Variants in SYT1 observed in about 807,000 individuals in gnomAD.
SYT1 encodes synaptotagmin 1.
Under a neutral mutation model 44.8 loss-of-function variants are expected in SYT1, and 8 were observed. The ratio of observed to expected loss-of-function variants is 0.18; its 90% CI spans 0.10 to 0.32. The LOEUF is 0.32. Ranked by LOEUF, SYT1 falls within the 10% of genes least tolerant of loss-of-function variation. The probability of loss-of-function intolerance (pLI) is 1.00; values close to 1 mark genes in which losing one functional copy is unlikely to be tolerated. For missense variants in SYT1, 286 were observed against 509.3 expected, an observed-to-expected ratio of 0.56 and a Z score of 4.22; for synonymous variants, 154 against 188.8, an observed-to-expected ratio of 0.82 and a Z score of 1.51.
intron 3 of SYT1, among the ~76,000 whole-genome samples, chr12:79,142,310 A>G (rs546395388): frequency 2.3e-4 from 35 of 152,374 alleles, no homozygotes; most frequent in African/African-American, 8.4e-4. Context: ...TACAGCTGAG[A>G]AATTATTGAG....
chr12:79,290,197 G>T (rs1879510347), intron 5 of SYT1, among the ~76,000 whole-genome samples: 1 of 152,146 alleles, frequency 6.6e-6, no homozygotes, highest in Non-Finnish European at 1.5e-5. Flanking sequence ...CAAAGGGGAG[G>T]CATCACTGAC....
At chr12:79,102,258 C>T (rs1011093173) in intron 3 of SYT1, among the ~76,000 whole-genome samples, 1 of 148,344 alleles carries the variant, frequency 6.7e-6, no homozygotes, top group Admixed American at 6.7e-5. Flanking sequence ...CTTTCCTTCT[C>T]TCTCTCTCTC....
chr12:79,016,527 T>C (rs1342717671), intron 2 of SYT1, among the ~76,000 whole-genome samples: 1 of 152,144 alleles, frequency 6.6e-6, no homozygotes, highest in East Asian at 1.9e-4. Flanking sequence ...TTTTCAGATC[T>C]GGAATCAGTT....
At chr12:78,985,325 T>C (rs932018487) in intron 2 of SYT1, among the ~76,000 whole-genome samples, 42 of 151,896 alleles carry the variant, frequency 2.8e-4, no homozygotes, top group African/African-American at 9.7e-4. Context: ...ATTTTCTAGG[T>C]GATAAGTTAT....
At chr12:79,218,580 A>G (rs1017119706) in intron 4 of SYT1, among the ~76,000 whole-genome samples, 7 of 152,168 alleles carry the variant, frequency 4.6e-5, no homozygotes, top group African/African-American at 1.7e-4. Context: ...CTCTACTTCT[A>G]TGAAATCAAC....
intron 1 of SYT1, among the ~76,000 whole-genome samples, chr12:78,872,812 T>C (rs1873888303): frequency 2.0e-5 from 3 of 151,926 alleles, no homozygotes; most frequent in Admixed American, 1.3e-4. Context: ...AATATATGTA[T>C]AGATAAATAA....
At chr12:79,419,536 C>A (rs191580420) in intron 9 of SYT1, among the ~76,000 whole-genome samples, 1 of 152,314 alleles carries the variant, frequency 6.6e-6, no homozygotes. Flanking sequence ...GGCTGTTACA[C>A]TGCCCAATGT....
intron 3 of SYT1, among the ~76,000 whole-genome samples, chr12:79,053,289 T>C (rs1262229929): frequency 2.0e-5 from 3 of 151,988 alleles, no homozygotes. Flanking sequence ...TTCTCACTCA[T>C]AGGTGGGAAT....
chr12:78,965,571 TTAAC>T (rs1318134677), intron 1 of SYT1, among the ~76,000 whole-genome samples: 15 of 152,204 alleles, frequency 9.9e-5, no homozygotes, highest in African/African-American at 2.2e-4. Context: ...AAATATCACT[TTAAC>T]TAGTCTTTGA....
chr12:78,891,883 G>A (rs76810921), intron 1 of SYT1, among the ~76,000 whole-genome samples: 3,556 of 151,906 alleles, frequency 0.023, 138 homozygotes, highest in African/African-American at 0.081. Flanking sequence ...TGTCTTCTTA[G>A]ATCCACAGTG....
rs1291176367 is a variant in SYT1 at position 79,028,868 on chromosome 12, T to C, written c.-83-18429T>C. On this transcript the variant is annotated intron_variant, in intron 2 of 10. Transcript: ENST00000261205. ...TGACCTTGTCTCAAGAGCAATAGAA[T>C]AGTTGAAATGGGACAAGACATAGAA... Among the ~76,000 whole-genome samples the C allele has an allele frequency of 2.0e-5, 3 of 151,394 alleles. No homozygotes were observed. In the East Asian group the frequency reaches 5.8e-4, roughly 29 times the overall value.
intron 1 of SYT1, among the ~76,000 whole-genome samples, chr12:78,964,526 G>T (rs1879670445): frequency 6.6e-6 from 1 of 152,128 alleles, no homozygotes; most frequent in Non-Finnish European, 1.5e-5. Flanking sequence ...CACTGAAAAT[G>T]GAATTACTGC....
At chr12:78,932,601 A>G (rs1418801704) in intron 1 of SYT1, among the ~76,000 whole-genome samples, 3 of 152,216 alleles carry the variant, frequency 2.0e-5, no homozygotes, top group African/African-American at 7.2e-5. Flanking sequence ...AAATTTGTGT[A>G]AATATTAACA....
At chr12:79,091,780 G>T (rs1877792376) in intron 3 of SYT1, among the ~76,000 whole-genome samples, 1 of 151,942 alleles carries the variant, frequency 6.6e-6, no homozygotes, top group Non-Finnish European at 1.5e-5. Context: ...CAGATACACT[G>T]TAGTTTTCTT....
rs145897079 is a variant in SYT1, at chr12:78,984,605, C to A, written c.-84+6674C>A. On this transcript the variant is annotated intron_variant, in intron 2 of 10. Coordinates refer to ENST00000261205, the MANE Select transcript of SYT1 (RefSeq NM_005639.3). ...AATTACAAATTAGTTTAGATAATTA[C>A]AAATTAGAAAACAATGAAGAATAGA... Among the ~76,000 whole-genome samples, 166 of 151,508 alleles carry A rather than the reference C, an allele frequency of 1.1e-3. 1 individual carries two copies. The highest frequency in any genetic ancestry group is 8.9e-3 in the Admixed American group (135 of 15,200).
chr12:78,989,073 T>A (rs557660638), intron 2 of SYT1, among the ~76,000 whole-genome samples: 1 of 152,240 alleles, frequency 6.6e-6, no homozygotes, highest in Admixed American at 6.5e-5. Flanking sequence ...ATAATTACCC[T>A]AGAGATTTCC....
intron 4 of SYT1, among the ~76,000 whole-genome samples, chr12:79,238,824 G>A (rs530210314): frequency 2.2e-4 from 33 of 152,260 alleles, no homozygotes; most frequent in African/African-American, 7.7e-4. Context: ...TCTTGAATGT[G>A]AGAAATCCTT....
intron 9 of SYT1, among the ~76,000 whole-genome samples, chr12:79,412,540 G>C (rs550520010): frequency 6.6e-6 from 1 of 152,184 alleles, no homozygotes; most frequent in East Asian, 1.9e-4. Flanking sequence ...TCATCTGATG[G>C]TTGCCTGACA....
At chr12:78,893,046 C>A (rs1339421145) in intron 1 of SYT1, among the ~76,000 whole-genome samples, 1 of 151,874 alleles carries the variant, frequency 6.6e-6, no homozygotes, top group East Asian at 1.9e-4. Flanking sequence ...AAATATTTAC[C>A]AATCTCCACT....
Sources: allele counts gnomAD v4.1 joint callset (sites outside exome capture counted in the v4.1 genomes callset), GRCh38; gene constraint gnomAD v4.1.1; transcripts MANE v1.5; gene names NCBI Gene and HGNC (gene_info 2026-07-23, HGNC 2026-07-21).